The following TAFA2 variants were observed in gnomAD, a reference collection of about 807,000 sequenced individuals.
The protein encoded by TAFA2 is chemokine-like protein TAFA-2.
In TAFA2, 7 loss-of-function variants were observed where a neutral mutation model predicts 18.8. That is an observed-to-expected ratio of 0.37 (90% CI 0.21 to 0.70). The LOEUF (loss-of-function observed/expected upper bound fraction) is 0.70. TAFA2 is among the 30% of genes least tolerant of loss of function. The pLI is 0.53. For synonymous variants in TAFA2, 60 were observed against 54.2 expected (o/e 1.11, Z -0.47); for missense variants, 122 against 158.1 (o/e 0.77, Z 1.23).
At chr12:61,856,771 A>G (rs1013396150) in intron 2 of TAFA2, among the ~76,000 whole-genome samples, 2 of 151,932 alleles carry the variant, frequency 1.3e-5, no homozygotes, top group African/African-American at 4.8e-5. Context: ...CCGTACTACA[A>G]ATCTAGACTA....
At chr12:62,251,788 A>G (rs1327351848) in intron 1 of TAFA2, among the ~76,000 whole-genome samples, 2 of 152,176 alleles carry the variant, frequency 1.3e-5, no homozygotes, top group African/African-American at 4.8e-5. Context: ...CCCCCTGAAG[A>G]GAGCATGAAC....
intron 1 of TAFA2, among the ~76,000 whole-genome samples, chr12:62,027,402 A>G (rs1881337491): frequency 6.6e-6 from 1 of 152,210 alleles, no homozygotes; most frequent in Non-Finnish European, 1.5e-5. Context: ...GAGAAGATTC[A>G]ATTATTCTCA....
intron 2 of TAFA2, among the ~76,000 whole-genome samples, chr12:61,863,429 A>G (rs1014885718): frequency 3.3e-5 from 5 of 152,138 alleles, no homozygotes; most frequent in Non-Finnish European, 7.4e-5. Context: ...AGGGCTCAGA[A>G]CTCTTAGTAA....
Position 62,041,322 on chromosome 12 carries a change from C to T in TAFA2, c.-2+149937G>A, listed in dbSNP as rs149497406. On this transcript the variant is annotated intron_variant, in intron 1 of 4. Transcript: ENST00000416284. ...AAAATTTTCAAAGTCACATCTATTG[C>T]CCCCAAAACTCATATTCTTTGCATG... 5.9e-5 allele frequency among the ~76,000 whole-genome samples: 9 copies of T among 152,210 alleles called. No individual in the cohort carries two copies. The East Asian group carries it at 1.7e-3, about 29-fold the overall frequency.
At chr12:61,991,891 T>C (rs1315079983) in intron 1 of TAFA2, among the ~76,000 whole-genome samples, 1 of 152,218 alleles carries the variant, frequency 6.6e-6, no homozygotes, top group Non-Finnish European at 1.5e-5. Context: ...GAATTTGACA[T>C]TACTGATGAC....
intron 2 of TAFA2, among the ~76,000 whole-genome samples, chr12:61,857,762 C>A (rs1447888134): frequency 6.8e-6 from 1 of 148,102 alleles, no homozygotes; most frequent in Non-Finnish European, 1.5e-5. Flanking sequence ...AAGGTTCACC[C>A]CCTCCTTCTC....
At position 61,902,891 on chromosome 12, in the gene TAFA2, C is replaced by A. The variant is rs1459227237; in HGVS notation, c.-1-35465G>T. Among the ~76,000 whole-genome samples the A allele has an allele frequency of 3.6e-5, 4 of 112,424 alleles. No homozygotes were observed. The East Asian group carries it at 9.4e-4, about 27-fold the overall frequency. The allele number at this position is 112,424 out of a possible 152,430, so 73.8% of individuals were successfully genotyped here. On this transcript the variant is annotated intron_variant, in intron 1 of 4. Transcript: ENST00000416284. Reference sequence around the variant, plus strand: ...CATTCTTCATTGCACCACCATCCAACCTAGCCAAAAATTTATAAGTCACCT... The same window carrying A: ...CATTCTTCATTGCACCACCATCCAAACTAGCCAAAAATTTATAAGTCACCT...
At chr12:62,055,916 C>T (rs762030326) in intron 1 of TAFA2, among the ~76,000 whole-genome samples, 2 of 152,040 alleles carry the variant, frequency 1.3e-5, no homozygotes, top group African/African-American at 4.8e-5. Flanking sequence ...CTGTCAAAAA[C>T]CTTTGAAAGT....
At chr12:62,090,224 G>T (rs756003808) in intron 1 of TAFA2, among the ~76,000 whole-genome samples, 1 of 152,148 alleles carries the variant, frequency 6.6e-6, no homozygotes, top group East Asian at 1.9e-4. Flanking sequence ...AACTCTTGGG[G>T]ACTTTCTTCA....
chr12:62,035,733 C>CTTTTTTTT lies in TAFA2; in HGVS notation c.-2+155518_-2+155525dup, dbSNP rs34859628. Among the ~76,000 whole-genome samples, 270 of 60,234 alleles carry CTTTTTTTT rather than the reference C, an allele frequency of 4.5e-3. 18 individuals carry two copies. The highest frequency in any genetic ancestry group is 7.0e-3 in the African/African-American group (93 of 13,254). The allele number at this position is 60,234 out of a possible 152,430, so 39.5% of individuals were successfully genotyped here. ...TGACGCTAGGGGTCAATGATTCTTTCTTTTTTTTTTTTTTTTTTTTTTTTT... is the reference window on the plus strand; with the variant it reads ...TGACGCTAGGGGTCAATGATTCTTTCTTTTTTTTTTTTTTTTTTTTTTTTTTTTTTTTT... On this transcript the variant is annotated intron_variant, in intron 1 of 4. Coordinates refer to ENST00000416284, the MANE Select transcript of TAFA2 (RefSeq NM_178539.5).
intron 2 of TAFA2, among the ~76,000 whole-genome samples, chr12:61,780,227 G>A (rs1870447147): frequency 6.6e-6 from 1 of 151,760 alleles, no homozygotes; most frequent in Admixed American, 6.6e-5. Flanking sequence ...TGCTATGACA[G>A]GACACATATC....
At chr12:62,066,746 G>C (rs924940023) in intron 1 of TAFA2, among the ~76,000 whole-genome samples, 4 of 151,918 alleles carry the variant, frequency 2.6e-5, no homozygotes, top group Non-Finnish European at 4.4e-5. Flanking sequence ...TCAAATCATG[G>C]CTATGTTGAA....
chr12:62,106,311 G>A lies in TAFA2; in HGVS notation c.-2+84948C>T, dbSNP rs1592338735. On this transcript the variant is annotated intron_variant, in intron 1 of 4. Transcript: ENST00000416284. Reference sequence around the variant, plus strand: ...ATCATGCCACTGCACTCCAGCCTAAGCAACAGAGTGAGACTCCATCTCAAA... The same window carrying A: ...ATCATGCCACTGCACTCCAGCCTAAACAACAGAGTGAGACTCCATCTCAAA... Among the ~76,000 whole-genome samples, 3 of 151,942 alleles carry A rather than the reference G, an allele frequency of 2.0e-5. No homozygotes were observed. The East Asian group carries it at 5.8e-4, about 29-fold the overall frequency.
At chr12:62,206,733 C>G (rs2062693097) in intron 1 of TAFA2, among the ~76,000 whole-genome samples, 1 of 152,160 alleles carries the variant, frequency 6.6e-6, no homozygotes, top group Non-Finnish European at 1.5e-5. Context: ...CCACCTTGGC[C>G]TCCCAAAGTG....
At chr12:62,198,814 C>T (rs919468209) in intron 1 of TAFA2, among the ~76,000 whole-genome samples, 6 of 152,154 alleles carry the variant, frequency 3.9e-5, no homozygotes, top group Admixed American at 6.5e-5. Flanking sequence ...ACCTTACACA[C>T]AATAAATACT....
chr12:61,788,402 A>T (rs889976174), intron 2 of TAFA2, among the ~76,000 whole-genome samples: 8 of 151,762 alleles, frequency 5.3e-5, no homozygotes, highest in Middle Eastern at 3.2e-3. Context: ...TGCAGAATAC[A>T]CATTTTTCTC....
intron 4 of TAFA2, among the ~76,000 whole-genome samples, chr12:61,745,695 T>G (rs941475268): frequency 2.5e-4 from 38 of 152,134 alleles, no homozygotes; most frequent in African/African-American, 8.9e-4. Context: ...ATCCCTTGAT[T>G]ATTCAAACAA....
At chr12:62,231,091 C>T (rs1190860797) in intron 1 of TAFA2, among the ~76,000 whole-genome samples, 14 of 152,120 alleles carry the variant, frequency 9.2e-5, no homozygotes, top group Non-Finnish European at 1.8e-4. Context: ...TCTGATGTTT[C>T]TGTATTTATT....
At chr12:62,108,242 G>C (rs1030758953) in intron 1 of TAFA2, among the ~76,000 whole-genome samples, 1 of 152,006 alleles carries the variant, frequency 6.6e-6, no homozygotes, top group Non-Finnish European at 1.5e-5. Context: ...GCGATGTTTG[G>C]TTTTCTGTTC....
Sources: gnomAD v4.1 joint callset for allele counts (sites outside exome capture counted in the v4.1 genomes callset) on GRCh38, gnomAD v4.1.1 for gene constraint, MANE v1.5 for transcripts, NCBI Gene and HGNC (gene_info 2026-07-23, HGNC 2026-07-21) for gene names.